ITGAM: variants seen among roughly 807,000 people sequenced by gnomAD.
ITGAM encodes integrin subunit alpha M.
A neutral mutation model predicts 137.5 loss-of-function variants in ITGAM; 79 were observed. The ratio of observed to expected loss-of-function variants is 0.57; its 90% CI spans 0.48 to 0.69. The LOEUF (loss-of-function observed/expected upper bound fraction) is 0.69, where lower values mean the gene tolerates loss of function less well. Among genes scored for constraint, ITGAM ranks in the 30% least tolerant of loss-of-function variants. The pLI is 0.00. For missense variants in ITGAM, 1,343 were observed against 1,483.5 expected (o/e 0.91, Z 1.56); for synonymous variants, 583 against 592.3 (o/e 0.98, Z 0.23).
chr16:31,298,829 G>A (rs2080165763), intron 14 of ITGAM, among the ~76,000 whole-genome samples: 1 of 147,740 alleles, frequency 6.8e-6, no homozygotes, highest in African/African-American at 2.5e-5. Context: ...TTTTTGCATT[G>A]GGTCTTGCAA....
At chr16:31,323,237 G>C (rs2080468798) in intron 16 of ITGAM, among the ~76,000 whole-genome samples, 1 of 152,092 alleles carries the variant, frequency 6.6e-6, no homozygotes, top group South Asian at 2.1e-4. Flanking sequence ...TTTGAGACCA[G>C]CCTGGCCAAC....
intron 14 of ITGAM, among the ~76,000 whole-genome samples, chr16:31,307,481 T>G (rs951310665): frequency 5.3e-5 from 8 of 152,304 alleles, no homozygotes; most frequent in Admixed American, 4.6e-4. Flanking sequence ...TGCTTGTGAT[T>G]TTTGCACATT....
intron 5 of ITGAM, among the ~76,000 whole-genome samples, chr16:31,270,263 A>G (rs532416790): frequency 6.7e-6 from 1 of 148,332 alleles, no homozygotes; most frequent in Non-Finnish European, 1.5e-5. Context: ...GTGCGATCTC[A>G]GCTACTTTTT....
At position 31,299,836 on chromosome 16, in the gene ITGAM, C is replaced by A. The variant is rs554623272; in HGVS notation, c.1707+1882C>A. 2.3e-5 allele frequency among the ~76,000 whole-genome samples: 3 copies of A among 131,050 alleles called. No homozygotes were observed. The East Asian group carries it at 7.2e-4, about 31-fold the overall frequency. 86.0% of individuals were successfully genotyped at this position (131,050 alleles called of 152,430 possible). Reference sequence around the variant, plus strand: ...TCCTCCCCCTCCTCCCCCTCCTCGTCGTCCTCCTCTCCTCCTCCTCCTCCT... The same window carrying A: ...TCCTCCCCCTCCTCCCCCTCCTCGTAGTCCTCCTCTCCTCCTCCTCCTCCT... On this transcript the variant is annotated intron_variant, in intron 14 of 29. Transcript: ENST00000544665.
At chr16:31,306,687 T>G (rs1689446260) in intron 14 of ITGAM, among the ~76,000 whole-genome samples, 1 of 152,014 alleles carries the variant, frequency 6.6e-6, no homozygotes, top group African/African-American at 2.4e-5. Flanking sequence ...AATTTTTGTA[T>G]TTTTAGTAGA....
chr16:31,314,178 C>T (rs1298378013), intron 14 of ITGAM, among the ~76,000 whole-genome samples: 1 of 151,934 alleles, frequency 6.6e-6, no homozygotes, highest in African/African-American at 2.4e-5. Flanking sequence ...ATTCTGTAGG[C>T]TGCCTGTTCA....
intron 14 of ITGAM, among the ~76,000 whole-genome samples, chr16:31,300,928 T>C (rs951078245): frequency 3.9e-5 from 6 of 151,992 alleles, no homozygotes; most frequent in Non-Finnish European, 7.4e-5. Context: ...AGAGAAAAGT[T>C]ATTAGATTTT....
intron 5 of ITGAM, among the ~76,000 whole-genome samples, chr16:31,266,741 A>G (rs138211814): frequency 6.6e-6 from 1 of 152,036 alleles, no homozygotes; most frequent in East Asian, 1.9e-4. Flanking sequence ...ACTGCAGAGG[A>G]GGGGATGGTG....
chr16:31,321,615 CGGCTAAGAGAAGGTGA>C lies in ITGAM; in HGVS notation c.1995_2002+8del. ...CCATGTCCAGAAGAGCACACGGGATCGGCTAAGAGAAGGTGAGGCTTGGTGGATGAGTCTCAAGAGG... is the reference window on the plus strand; with the variant it reads ...CCATGTCCAGAAGAGCACACGGGATCGGCTTGGTGGATGAGTCTCAAGAGG... On this transcript the variant is annotated splice_donor_variant and splice_donor_region_variant and coding_sequence_variant and intron_variant, in exon 16 of 30. Transcript: ENST00000544665. LOFTEE classifies it high-confidence loss of function. 6.2e-7 allele frequency: 1 copy of C among 1,613,514 alleles called. No homozygotes were observed. Among genetic ancestry groups the C allele is most frequent in the Non-Finnish European group, 8.5e-7 (1 of 1,179,728 alleles).
chr16:31,261,587 G>A lies in ITGAM; in HGVS notation c.29-105G>A, dbSNP rs1214782730. On this transcript the variant is annotated intron_variant, in intron 1 of 29. Coordinates refer to ENST00000544665, the MANE Select transcript of ITGAM (RefSeq NM_000632.4). ...GGCTGGAGTGCAGTGGCACAATCAGGGCTCAAGTGATCCTCCTGCCTCAGC... is the reference window on the plus strand; with the variant it reads ...GGCTGGAGTGCAGTGGCACAATCAGAGCTCAAGTGATCCTCCTGCCTCAGC... 5 of 673,940 alleles carry A rather than the reference G, an allele frequency of 7.4e-6. No individual in the cohort carries two copies. In the East Asian group the frequency reaches 1.4e-4, roughly 19 times the overall value. 41.7% of individuals were successfully genotyped at this position (673,940 alleles called of 1,614,324 possible).
chr16:31,308,500 C>T (rs908198695), intron 14 of ITGAM, among the ~76,000 whole-genome samples: 2 of 152,110 alleles, frequency 1.3e-5, no homozygotes, highest in Non-Finnish European at 2.9e-5. Flanking sequence ...GTGATATCCC[C>T]TTTGTCATTT....
chr16:31,300,528 T>C (rs2080187352), intron 14 of ITGAM, among the ~76,000 whole-genome samples: 1 of 152,234 alleles, frequency 6.6e-6, no homozygotes, highest in Admixed American at 6.5e-5. Context: ...CCCTGATGAT[T>C]AGTGATGTTG....
intron 2 of ITGAM, among the ~76,000 whole-genome samples, chr16:31,262,330 C>CCCTTCCTT (rs1275045684): frequency 8.4e-6 from 1 of 118,770 alleles, no homozygotes; most frequent in South Asian, 2.8e-4. Flanking sequence ...TCCCTTCCCT[C>CCCTTCCTT]CCTTCCATCC....
In ITGAM at chr16:31,275,631, A is replaced by G. The variant is rs758707735; in HGVS notation, c.941A>G (p.Gln314Arg). The G allele has an allele frequency of 1.2e-6, 2 of 1,613,954 alleles. No homozygotes were observed. Among genetic ancestry groups the G allele is most frequent in the African/African-American group, 2.7e-5 (2 of 75,036 alleles). Residue 314 changes from glutamine (Q) to arginine (R), a missense_variant, in exon 9 of 30, where the codon CAG becomes CGG. Gln to Arg is a conservative substitution (Grantham distance 43). Coordinates refer to ENST00000544665, the MANE Select transcript of ITGAM (RefSeq NM_000632.4). ...AAGCCGCCTCGTGATCACGTGTTCCAGGTGAATAACTTTGAGGCTCTGAAG... is the reference window on the plus strand; with the variant it reads ...AAGCCGCCTCGTGATCACGTGTTCCGGGTGAATAACTTTGAGGCTCTGAAG... ...ASKPPRDHVF[Q>R]VNNFEALKTI...
chr16:31,282,150 A>T (rs944208225), intron 12 of ITGAM, among the ~76,000 whole-genome samples: 2 of 152,138 alleles, frequency 1.3e-5, no homozygotes, highest in African/African-American at 4.8e-5. Context: ...TATGTGGTCA[A>T]TTTTGTAATA....
chr16:31,302,928 CTTT>C (rs2080225432), intron 14 of ITGAM, among the ~76,000 whole-genome samples: 3 of 29,468 alleles, frequency 1.0e-4, no homozygotes, highest in African/African-American at 2.6e-4. Flanking sequence ...CTCTTTCTTT[CTTT>C]CTTTCTTTCT....
intron 12 of ITGAM, among the ~76,000 whole-genome samples, chr16:31,292,139 T>C (rs183818692): frequency 2.2e-3 from 328 of 152,194 alleles, no homozygotes; most frequent in African/African-American, 7.5e-3. Context: ...CTAAAATTTA[T>C]ATAAAAAATA....
At chr16:31,267,090 A>G (rs910046363) in intron 5 of ITGAM, among the ~76,000 whole-genome samples, 5 of 151,726 alleles carry the variant, frequency 3.3e-5, no homozygotes, top group Non-Finnish European at 7.4e-5. Flanking sequence ...CTGGTCTCGA[A>G]CTCCTGAGCT....
At chr16:31,263,230 C>T (rs4889541) in intron 2 of ITGAM, among the ~76,000 whole-genome samples, 8,380 of 152,132 alleles carry the variant, frequency 0.055, 795 homozygotes, top group African/African-American at 0.19. Flanking sequence ...CTTGAGCCAC[C>T]GTGCCTGGCT....
Sources: allele counts gnomAD v4.1 joint callset (sites outside exome capture counted in the v4.1 genomes callset), GRCh38; gene constraint gnomAD v4.1.1; transcripts MANE v1.5; gene names NCBI Gene and HGNC (gene_info 2026-07-23, HGNC 2026-07-21).